The following OTUD3 variants were observed in gnomAD, a reference collection of about 807,000 sequenced individuals.
OTUD3 encodes OTU deubiquitinase 3.
In OTUD3, 24 loss-of-function variants were observed where a neutral mutation model predicts 46.2. The observed-to-expected ratio is 0.52, with a 90% CI of 0.38 to 0.73. The LOEUF (loss-of-function observed/expected upper bound fraction) is 0.73, where lower values mean the gene tolerates loss of function less well. OTUD3 is among the 30% of genes least tolerant of loss of function. The pLI is 0.00. For missense variants in OTUD3, 455 were observed against 523.3 expected, an observed-to-expected ratio of 0.87 and a Z score of 1.27; for synonymous variants, 189 against 195.4, an observed-to-expected ratio of 0.97 and a Z score of 0.27.
At chr1:19,904,776 T>C in intron 5 of OTUD3, 115 bp from the exon 6 acceptor site, 1 of 639,548 alleles carries the variant, frequency 1.6e-6, no homozygotes, top group South Asian at 2.0e-5. Flanking sequence ...TCCTGAAACC[T>C]TGTGTTAATT....
In OTUD3 at chr1:19,897,633, T is replaced by G. The variant is rs1285721870; in HGVS notation, c.577T>G (p.Ser193Ala). ...YDSVRRINDNSEAPAHLQTDF... is the reference protein window; with the variant it reads ...YDSVRRINDNAEAPAHLQTDF... ...CAGTGTTCGGAGGATCAATGACAAC[T>G]CAGAGGCACCTGCACATCTCCAGAC... Residue 193 changes from serine to alanine, a missense_variant, in exon 4 of 8, where the codon TCA (serine) becomes GCA (alanine). Transcript: ENST00000375120. 6.2e-7 allele frequency: 1 copy of G among 1,613,908 alleles called. No individual in the cohort carries two copies. The highest frequency in any genetic ancestry group is 8.5e-7 in the Non-Finnish European group (1 of 1,179,974).
chr1:19,886,926 C>T (rs937677388), intron 1 of OTUD3, among the ~76,000 whole-genome samples: 3 of 151,996 alleles, frequency 2.0e-5, no homozygotes, highest in Admixed American at 1.3e-4. Context: ...ATGTGAACCA[C>T]GTATGTGATT....
In OTUD3 at chr1:19,904,270, C is replaced by G; in HGVS notation, c.610C>G (p.Gln204Glu). ...GATTATTACTTGTTTCCTTTAGTTT[C>G]AGATGCTTCATCAAGATGAATCAAA... ...EAPAHLQTDF[Q>E]MLHQDESNKR... is the part of the protein sequence containing the mutation. The change falls in exon 5 of 8, where the codon CAG becomes GAG. Residue 204 changes from glutamine to glutamate, a missense_variant. Physicochemically the swap from Gln to Glu is conservative, Grantham distance 29. Transcript: ENST00000375120. 6.3e-7 allele frequency: 1 copy of G among 1,595,916 alleles called. No individual in the cohort carries two copies. The highest frequency in any genetic ancestry group is 1.1e-5 in the South Asian group (1 of 87,704).
chr1:19,882,493 TG>T lies in OTUD3; in HGVS notation c.-17del, dbSNP rs1471698072. 1 of 1,351,420 alleles carries T rather than the reference TG, an allele frequency of 7.4e-7. No individual in the cohort carries two copies. The highest frequency in any genetic ancestry group is 1.5e-5 in the African/African-American group (1 of 65,618). 83.7% of individuals were successfully genotyped at this position (1,351,420 alleles called of 1,614,324 possible). A position where few individuals can be genotyped will look rare whatever the true frequency, so the allele number is the denominator to read the frequency against. On this transcript the variant is annotated 5_prime_UTR_variant, in exon 1 of 8. Coordinates refer to ENST00000375120, the MANE Select transcript of OTUD3 (RefSeq NM_015207.2). ...GTCCTGCGCCTTTCCCTCCTGCCGC[TG>T]GGGACTGCAGGCTAAGGCCATGTCC... is the stretch of plus-strand genomic sequence containing the variant.
chr1:19,894,525 G>A (rs779067766), intron 3 of OTUD3, 45 bp downstream of exon 3: 1 of 923,322 alleles, frequency 1.1e-6, no homozygotes, highest in Admixed American at 2.8e-5. Flanking sequence ...TTATTTCTAA[G>A]TCAGCTTTGG....
Position 19,910,924 on chromosome 1 carries a change from T to G in OTUD3, c.*3178T>G, listed in dbSNP as rs1379315279. The G allele has an allele frequency of 6.6e-6, 1 of 152,314 alleles. No individual in the cohort carries two copies. The highest frequency in any genetic ancestry group is 1.5e-5 in the Non-Finnish European group (1 of 68,048). The allele number at this position is 152,314 out of a possible 1,614,324, so 9.4% of individuals were successfully genotyped here. ...AGCGCTGAACTGTACTAGTAGTGAGTCCCTGTAGTCAATGTGCAATTTCTC... is the reference window on the plus strand; with the variant it reads ...AGCGCTGAACTGTACTAGTAGTGAGGCCCTGTAGTCAATGTGCAATTTCTC... On this transcript the variant is annotated 3_prime_UTR_variant, in exon 8 of 8. Transcript: ENST00000375120.
At position 19,910,361 on chromosome 1, in the gene OTUD3, C is replaced by T. The variant is rs993879313; in HGVS notation, c.*2615C>T. 6.6e-6 allele frequency: 1 copy of T among 152,202 alleles called. No homozygotes were observed. Among genetic ancestry groups the T allele is most frequent in the Non-Finnish European group, 1.5e-5 (1 of 68,028 alleles). 9.4% of individuals were successfully genotyped at this position (152,202 alleles called of 1,614,324 possible). A position where few individuals can be genotyped will look rare whatever the true frequency, so the allele number is the denominator to read the frequency against. ...CATAGCTGCTTACTGCTCTTATAAA[C>T]GGTATATAAAGGTTTTACGGATTTT... On this transcript the variant is annotated 3_prime_UTR_variant, in exon 8 of 8. Transcript: ENST00000375120.
rs779570318 is a variant in OTUD3, at chr1:19,911,620, C to T, written c.*3874C>T. 2.6e-5 allele frequency: 4 copies of T among 152,100 alleles called. No individual in the cohort carries two copies. The highest frequency in any genetic ancestry group is 9.7e-5 in the African/African-American group (4 of 41,352). The allele number at this position is 152,100 out of a possible 1,614,324, so 9.4% of individuals were successfully genotyped here. A position where few individuals can be genotyped will look rare whatever the true frequency, so the allele number is the denominator to read the frequency against. On this transcript the variant is annotated 3_prime_UTR_variant, in exon 8 of 8. Transcript: ENST00000375120. ...AGCCAGGCTGGTCTCAAACTCCTGACCTTGTGATCTGCCCGCCTCAGCCTC... is the reference window on the plus strand; with the variant it reads ...AGCCAGGCTGGTCTCAAACTCCTGATCTTGTGATCTGCCCGCCTCAGCCTC...
At chr1:19,903,005 G>T (rs1254971467) in intron 4 of OTUD3, among the ~76,000 whole-genome samples, 1 of 142,744 alleles carries the variant, frequency 7.0e-6, no homozygotes, top group African/African-American at 2.5e-5. Context: ...ACCACTATAA[G>T]TAACACTGTT....
In OTUD3 at chr1:19,882,451, G is replaced by A. The variant is rs1368457858; in HGVS notation, c.-63G>A. 3.8e-6 allele frequency: 5 copies of A among 1,321,244 alleles called. No individual in the cohort carries two copies. In the South Asian group the frequency reaches 6.4e-5, roughly 17 times the overall value. The allele number at this position is 1,321,244 out of a possible 1,614,324, so 81.8% of individuals were successfully genotyped here. Reference sequence around the variant, plus strand: ...GCGCTGTTTTACCTTCCCAACGCTTGAGGCGGACGCTGGGGGGTCCTGCGC... The same window carrying A: ...GCGCTGTTTTACCTTCCCAACGCTTAAGGCGGACGCTGGGGGGTCCTGCGC... On this transcript the variant is annotated 5_prime_UTR_variant, in exon 1 of 8. Transcript: ENST00000375120.
intron 3 of OTUD3, among the ~76,000 whole-genome samples, chr1:19,896,767 G>A (rs2045523436): frequency 6.6e-6 from 1 of 152,230 alleles, no homozygotes; most frequent in African/African-American, 2.4e-5. Flanking sequence ...GACGTGGCGA[G>A]TTTTATTTGG....
chr1:19,882,750 A>G lies in OTUD3; in HGVS notation c.221+16A>G, dbSNP rs925259408. 7.7e-7 allele frequency: 1 copy of G among 1,305,222 alleles called. No individual in the cohort carries two copies. The highest frequency in any genetic ancestry group is 9.7e-7 in the Non-Finnish European group (1 of 1,028,314). 80.9% of individuals were successfully genotyped at this position (1,305,222 alleles called of 1,614,324 possible). On this transcript the variant is annotated intron_variant, in intron 1 of 7. Coordinates refer to ENST00000375120, the MANE Select transcript of OTUD3 (RefSeq NM_015207.2). ...CGGGGGACGGGTGAGGCGGGCCGGGAGCGAGGGAGGCGGCGCCGGGGGACG... is the reference window on the plus strand; with the variant it reads ...CGGGGGACGGGTGAGGCGGGCCGGGGGCGAGGGAGGCGGCGCCGGGGGACG...
In OTUD3 at chr1:19,890,453, A is replaced by G. The variant is rs751538309; in HGVS notation, c.290A>G (p.Gln97Arg). ...GHSRNHLKHRQETVDYMIKQR... is the reference protein window; with the variant it reads ...GHSRNHLKHRRETVDYMIKQR... ...TCACGAAATCATCTCAAGCACAGAC[A>G]GGAGACAGTGGACTACATGATAAAG... Residue 97 changes from glutamine to arginine, a missense_variant, in exon 2 of 8, where the codon CAG becomes CGG. Transcript: ENST00000375120. The G allele has an allele frequency of 1.2e-6, 2 of 1,613,900 alleles. No homozygotes were observed. The highest frequency in any genetic ancestry group is 1.3e-5 in the African/African-American group (1 of 75,040).
intron 1 of OTUD3, among the ~76,000 whole-genome samples, chr1:19,883,066 G>A (rs965220934): frequency 1.3e-5 from 2 of 152,260 alleles, no homozygotes; most frequent in African/African-American, 4.8e-5. Flanking sequence ...GCTGAGTTCT[G>A]AAGGAATGAG....
Position 19,907,701 on chromosome 1 carries a change from C to A in OTUD3, c.1152C>A (p.Asn384Lys), listed in dbSNP as rs764163900. Residue 384 changes from asparagine to lysine, a missense_variant, in exon 8 of 8, where the codon AAC becomes AAA. Asn to Lys is a moderately conservative substitution (Grantham distance 94). Transcript: ENST00000375120. ...ATAACAGAAGCGAAGCAGAGGCGAACACGCAGGTCACCTTGGTGAAGACCT... is the reference window on the plus strand; with the variant it reads ...ATAACAGAAGCGAAGCAGAGGCGAAAACGCAGGTCACCTTGGTGAAGACCT... ...RDNNRSEAEANTQVTLVKTFA... is the reference protein window; with the variant it reads ...RDNNRSEAEAKTQVTLVKTFA... 1 of 1,614,246 alleles carries A rather than the reference C, an allele frequency of 6.2e-7. No homozygotes were observed. Among genetic ancestry groups the A allele is most frequent in the Non-Finnish European group, 8.5e-7 (1 of 1,180,044 alleles).
Position 19,894,396 on chromosome 1 carries a change from T to C in OTUD3, c.399T>C (p.Phe133=). ...HVASLAKPGT[F]AGNDAIVAFA... is the part of the protein sequence containing the mutation. ...CCAGTTTGGCAAAGCCTGGTACTTT[T>C]GCTGGCAATGATGCAATTGTAGCCT... The change falls in exon 3 of 8, where the codon TTT becomes TTC. Residue 133 remains phenylalanine, a synonymous_variant. Coordinates refer to ENST00000375120, the MANE Select transcript of OTUD3 (RefSeq NM_015207.2). The C allele has an allele frequency of 1.2e-6, 2 of 1,609,714 alleles. No homozygotes were observed. The highest frequency in any genetic ancestry group is 1.7e-6 in the Non-Finnish European group (2 of 1,177,616).
At chr1:19,888,225 A>C (rs1454756016) in intron 1 of OTUD3, among the ~76,000 whole-genome samples, 1 of 152,246 alleles carries the variant, frequency 6.6e-6, no homozygotes, top group Non-Finnish European at 1.5e-5. Flanking sequence ...CCCACAACAA[A>C]AAAATGATCC....
At chr1:19,902,988 G>T (rs2045610474) in intron 4 of OTUD3, among the ~76,000 whole-genome samples, 1 of 145,040 alleles carries the variant, frequency 6.9e-6, no homozygotes, top group Non-Finnish European at 1.5e-5. Flanking sequence ...GTGGTTTCCA[G>T]TTATTCACCA....
chr1:19,888,701 A>G (rs959871170), intron 1 of OTUD3, among the ~76,000 whole-genome samples: 1 of 152,190 alleles, frequency 6.6e-6, no homozygotes, highest in Admixed American at 6.5e-5. Context: ...AATAGGACCT[A>G]TCTCAGAGTT....
Sources: gnomAD v4.1 joint callset for allele counts (sites outside exome capture counted in the v4.1 genomes callset) on GRCh38, gnomAD v4.1.1 for gene constraint, MANE v1.5 for transcripts, NCBI Gene and HGNC (gene_info 2026-07-23, HGNC 2026-07-21) for gene names.